The following PAPOLA variants were observed in gnomAD, a reference collection of about 807,000 sequenced individuals.
PAPOLA encodes the protein poly(A) polymerase alpha.
PAPOLA carries 15 observed loss-of-function variants against 100.6 expected under a neutral mutation model. The observed-to-expected ratio is 0.15, with a 90% confidence interval of 0.10 to 0.23. PAPOLA has a LOEUF of 0.23. Ranked by LOEUF, PAPOLA falls within the 10% of genes least tolerant of loss-of-function variation. PAPOLA has a pLI of 1.00. For missense variants in PAPOLA, 533 were observed against 884.2 expected (o/e 0.60, Z 5.04); for synonymous variants, 293 against 300.0 (o/e 0.98, Z 0.24).
chr14:96,535,728 AC>A, intron 10 of PAPOLA, 150 bp from the exon 11 acceptor site: 1 of 803,136 alleles, frequency 1.2e-6, no homozygotes, highest in Middle Eastern at 4.2e-4. Context: ...TCCTATAAAA[AC>A]AATGTCTCTC....
Position 96,538,876 on chromosome 14 carries a change from G to A in PAPOLA, c.1115+1816G>A, listed in dbSNP as rs1408509578. On this transcript the variant is annotated intron_variant, in intron 12 of 21. Coordinates refer to ENST00000216277, the MANE Select transcript of PAPOLA (RefSeq NM_032632.5). ...ACAAGTTGATTCAATCTTATTTGAG[G>A]CATATCATGAAATACTGTCAGTTGA... Among the ~76,000 whole-genome samples, 8 of 152,084 alleles carry A rather than the reference G, an allele frequency of 5.3e-5. No homozygotes were observed. In the East Asian group the frequency reaches 1.5e-3, roughly 29 times the overall value.
chr14:96,541,388 A>C (rs1899976960), intron 12 of PAPOLA, among the ~76,000 whole-genome samples: 1 of 152,152 alleles, frequency 6.6e-6, no homozygotes, highest in African/African-American at 2.4e-5. Context: ...TCAGTACTAG[A>C]TGATGTCAGT....
intron 1 of PAPOLA, among the ~76,000 whole-genome samples, chr14:96,515,481 A>G (rs934319589): frequency 3.9e-5 from 6 of 152,204 alleles, no homozygotes; most frequent in South Asian, 2.1e-4. Context: ...TTTGCATTAG[A>G]TGTGGATGAA....
At chr14:96,545,494 G>T (rs1900322601) in intron 15 of PAPOLA, among the ~76,000 whole-genome samples, 1 of 151,980 alleles carries the variant, frequency 6.6e-6, no homozygotes, top group African/African-American at 2.4e-5. Context: ...ATCTGATTTT[G>T]ATATGCTTGG....
At chr14:96,520,720 T>A (rs1421145547) in intron 2 of PAPOLA, among the ~76,000 whole-genome samples, 1 of 152,184 alleles carries the variant, frequency 6.6e-6, no homozygotes, top group Non-Finnish European at 1.5e-5. Flanking sequence ...TTTATTTTTT[T>A]TTCTGAAGAA....
chr14:96,546,074 G>C (rs1900373353), intron 15 of PAPOLA, among the ~76,000 whole-genome samples: 1 of 151,948 alleles, frequency 6.6e-6, no homozygotes, highest in Admixed American at 6.6e-5. Context: ...AAGAAAATAG[G>C]TTTCACATAT....
intron 1 of PAPOLA, among the ~76,000 whole-genome samples, chr14:96,510,731 T>C (rs2140231632): frequency 6.6e-6 from 1 of 152,340 alleles, no homozygotes; most frequent in East Asian, 1.9e-4. Flanking sequence ...TGCAGTACGT[T>C]TTTAAGAATA....
chr14:96,507,526 C>G (rs548293350), intron 1 of PAPOLA, among the ~76,000 whole-genome samples: 3 of 152,052 alleles, frequency 2.0e-5, no homozygotes, highest in Admixed American at 6.5e-5. Context: ...CCGCCTGCCT[C>G]GGCCTCCCAA....
chr14:96,537,320 A>G (rs1352442572), intron 12 of PAPOLA: 1 of 429,554 alleles, frequency 2.3e-6, no homozygotes, highest in Non-Finnish European at 4.3e-6. Flanking sequence ...TACATCAGTC[A>G]TGACAAAAAC....
chr14:96,510,817 T>G (rs1402264378), intron 1 of PAPOLA, among the ~76,000 whole-genome samples: 1 of 152,250 alleles, frequency 6.6e-6, no homozygotes, highest in Non-Finnish European at 1.5e-5. Context: ...CGTTTTAATT[T>G]CTTAGCAAAT....
At chr14:96,522,112 C>CTTTTTTTTTTTTTT (rs1350167869) in intron 3 of PAPOLA, among the ~76,000 whole-genome samples, 17 of 98,708 alleles carry the variant, frequency 1.7e-4, no homozygotes, top group African/African-American at 3.0e-4. Flanking sequence ...CTCTTTCTTT[C>CTTTTTTTTTTTTTT]TTTCTTTTTT....
Position 96,565,384 on chromosome 14 carries a change from A to G in PAPOLA, c.*334A>G. 3.3e-6 allele frequency: 1 copy of G among 301,496 alleles called. No homozygotes were observed. Among genetic ancestry groups the G allele is most frequent in the Non-Finnish European group, 6.1e-6 (1 of 164,728 alleles). The allele number at this position is 301,496 out of a possible 1,614,324, so 18.7% of individuals were successfully genotyped here. On this transcript the variant is annotated 3_prime_UTR_variant, in exon 22 of 22. Coordinates refer to ENST00000216277, the MANE Select transcript of PAPOLA (RefSeq NM_032632.5). The stretch of plus-strand genomic sequence containing the variant: ...GCATTGTTTGGAAAATTTGCAATAC[A>G]AACTGGCATAAGAATTACTTATTCT...
At chr14:96,549,864 A>T (rs1900696936) in intron 16 of PAPOLA, among the ~76,000 whole-genome samples, 3 of 152,198 alleles carry the variant, frequency 2.0e-5, no homozygotes. Context: ...AAATATAAAC[A>T]TTTTGGACCC....
Position 96,562,832 on chromosome 14 carries a change from C to G in PAPOLA, c.2081C>G (p.Thr694Arg). The G allele has an allele frequency of 1.2e-6, 2 of 1,608,668 alleles. No individual in the cohort carries two copies. Among genetic ancestry groups the G allele is most frequent in the Non-Finnish European group, 1.7e-6 (2 of 1,175,710 alleles). Residue 694 changes from threonine (T) to arginine (R), a missense_variant, in exon 21 of 22, where the codon ACA becomes AGA. By Grantham distance (71) the Thr-to-Arg change is moderately conservative. Transcript: ENST00000216277. ...DKTEAKEQLD[T>R]ETSTTQSETI... The stretch of plus-strand genomic sequence containing the variant: ...TTTGTCTCACAGGAACAACTTGATA[C>G]AGAGACAAGTACAACTCAATCAGAA...
chr14:96,548,363 G>T (rs1900560025), intron 16 of PAPOLA, among the ~76,000 whole-genome samples: 1 of 151,924 alleles, frequency 6.6e-6, no homozygotes, highest in Admixed American at 6.5e-5. Context: ...AAAACTAAAA[G>T]TTGCTGAGTG....
chr14:96,516,015 A>C (rs567485341), intron 1 of PAPOLA, among the ~76,000 whole-genome samples: 1 of 152,178 alleles, frequency 6.6e-6, no homozygotes, highest in Non-Finnish European at 1.5e-5. Flanking sequence ...TTATGTTCCA[A>C]ATTGCCCAAT....
At chr14:96,545,789 G>T (rs569013871) in intron 15 of PAPOLA, among the ~76,000 whole-genome samples, 3 of 151,968 alleles carry the variant, frequency 2.0e-5, no homozygotes, top group Non-Finnish European at 2.9e-5. Flanking sequence ...TTAGAATGTC[G>T]TATGTAGGGT....
intron 1 of PAPOLA, 118 bp from the exon 2 acceptor site, chr14:96,519,937 T>C (rs1897802685): frequency 2.5e-6 from 2 of 809,406 alleles, no homozygotes; most frequent in South Asian, 4.7e-5. Context: ...TTGGGGGTAT[T>C]GCAGGGAACC....
chr14:96,518,832 G>C lies in PAPOLA; in HGVS notation c.9-1223G>C, dbSNP rs372814903. 3.3e-5 allele frequency among the ~76,000 whole-genome samples: 5 copies of C among 152,034 alleles called. No individual in the cohort carries two copies. In the South Asian group the frequency reaches 1.0e-3, roughly 32 times the overall value. ...AGCACTTTGGGAGGCCAAAGGGAGC[G>C]GATCACTTGAGCTCAGGAGTTCGAG... On this transcript the variant is annotated intron_variant, in intron 1 of 21. Transcript: ENST00000216277.
Sources: gnomAD v4.1 joint callset for allele counts (sites outside exome capture counted in the v4.1 genomes callset) on GRCh38, gnomAD v4.1.1 for gene constraint, MANE v1.5 for transcripts, NCBI Gene and HGNC (gene_info 2026-07-23, HGNC 2026-07-21) for gene names.